POU3F3: variants seen among roughly 807,000 people sequenced by gnomAD.
POU3F3 encodes POU domain, class 3, transcription factor 3.
In POU3F3, 1 loss-of-function variant was observed where a neutral mutation model predicts 8.6. That is an observed-to-expected ratio of 0.12 (90% CI 0.04 to 0.55). The LOEUF (loss-of-function observed/expected upper bound fraction) is 0.55. Ranked by LOEUF, POU3F3 falls within the 20% of genes least tolerant of loss-of-function variation. The probability of loss-of-function intolerance (pLI) is 0.91; values close to 1 mark genes in which losing one functional copy is unlikely to be tolerated. For missense variants in POU3F3, 577 were observed against 690.7 expected (o/e 0.84, Z 1.84); for synonymous variants, 418 against 327.4 (o/e 1.28, Z -2.99).
At chr2:104,860,000 T>A (rs942801452), downstream of POU3F3, among the ~76,000 whole-genome samples, 13 of 152,208 alleles carry the variant, frequency 8.5e-5, no homozygotes, top group Admixed American at 5.2e-4. Context: ...TGGATACTAC[T>A]GGCACGTGAG....
chr2:104,923,161 TG>T, the POU3F3 span, among the ~76,000 whole-genome samples: 1 of 152,190 alleles, frequency 6.6e-6, no homozygotes, highest in Non-Finnish European at 1.5e-5. Flanking sequence ...TCCTTAAAGT[TG>T]AAATGAAAGG....
rs2104338606 is a variant in POU3F3 at position 104,855,043 on chromosome 2, C to T, written c.-468C>T. ...GGACAGGAGGAGGAGCGGGAGCCCGCGCGTCCCGGGAGAGCGCCCCGAGTG... is the reference window on the plus strand; with the variant it reads ...GGACAGGAGGAGGAGCGGGAGCCCGTGCGTCCCGGGAGAGCGCCCCGAGTG... On this transcript the variant is annotated 5_prime_UTR_variant, in exon 1 of 1. Transcript: ENST00000361360. Among the ~76,000 whole-genome samples, 1 of 152,104 alleles carries T rather than the reference C, an allele frequency of 6.6e-6. No homozygotes were observed. The highest frequency in any genetic ancestry group is 2.1e-4 in the South Asian group (1 of 4,832).
chr2:104,901,642 C>G, the POU3F3 span, among the ~76,000 whole-genome samples: 4 of 152,226 alleles, frequency 2.6e-5, no homozygotes, highest in Non-Finnish European at 4.4e-5. Context: ...TCACATAACA[C>G]TCGCAGGTCT....
downstream of POU3F3, among the ~76,000 whole-genome samples, chr2:104,861,998 G>T (rs776534167): frequency 1.3e-5 from 2 of 152,238 alleles, no homozygotes. Context: ...GAGGAGCTGG[G>T]GGTGGGGGCA....
the POU3F3 span, among the ~76,000 whole-genome samples, chr2:104,914,482 G>A: frequency 6.6e-6 from 1 of 152,178 alleles, no homozygotes; most frequent in Non-Finnish European, 1.5e-5. Flanking sequence ...TTTTTTATGA[G>A]GACAGAGTGG....
At chr2:104,900,427 G>A in the POU3F3 span, among the ~76,000 whole-genome samples, 1 of 152,180 alleles carries the variant, frequency 6.6e-6, no homozygotes, top group Non-Finnish European at 1.5e-5. Context: ...AATTTGACAT[G>A]ATGTTTAGAC....
the POU3F3 span, among the ~76,000 whole-genome samples, chr2:104,880,689 CTTTTGTCCTAAAGGTCAGGGTGTG>C: frequency 4.5e-4 from 69 of 152,196 alleles, no homozygotes; most frequent in Admixed American, 9.2e-4. Context: ...CCATTTTCCT[CTTTTGTCCTAAAGGTCAGGGTGTG>C]TTTTGTTGTC....
chr2:104,863,701 C>T, the POU3F3 span, among the ~76,000 whole-genome samples: 1 of 152,138 alleles, frequency 6.6e-6, no homozygotes, highest in African/African-American at 2.4e-5. Context: ...CAGACCAGGG[C>T]CCGAAATTGA....
the POU3F3 span, among the ~76,000 whole-genome samples, chr2:104,905,218 A>G: frequency 6.6e-6 from 1 of 152,198 alleles, no homozygotes; most frequent in Non-Finnish European, 1.5e-5. Context: ...GCATCATGAC[A>G]GACTTTTACT....
rs1192743742 is a variant in POU3F3, at chr2:104,855,642, A to AGGGGGC, written c.141_146dup (p.Gly49_Gly50dup). The AGGGGGC allele has an allele frequency of 2.6e-6, 1 of 389,070 alleles. No homozygotes were observed. The highest frequency in any genetic ancestry group is 2.9e-6 in the Non-Finnish European group (1 of 340,866). 24.1% of individuals were successfully genotyped at this position (389,070 alleles called of 1,614,324 possible). On this transcript the variant is annotated inframe_insertion, in exon 1 of 1. Coordinates refer to ENST00000361360, the MANE Select transcript of POU3F3 (RefSeq NM_006236.3). ...GCGGCGGCGGCGGCGGGGGCGGCGCAGGGGGCGGGGGCGGCGGCATGCAGC... is the reference window on the plus strand; with the variant it reads ...GCGGCGGCGGCGGCGGGGGCGGCGCAGGGGGCGGGGGCGGGGGCGGCGGCATGCAGC...
the POU3F3 span, among the ~76,000 whole-genome samples, chr2:104,901,240 C>T: frequency 6.6e-6 from 1 of 152,262 alleles, no homozygotes; most frequent in South Asian, 2.1e-4. Flanking sequence ...CACTGACAGC[C>T]CTGAGATGGA....
chr2:104,903,851 C>G, the POU3F3 span, among the ~76,000 whole-genome samples: 8 of 152,156 alleles, frequency 5.3e-5, no homozygotes, highest in African/African-American at 1.7e-4. Context: ...GTACATACAT[C>G]AGCTACATTA....
At chr2:104,887,441 T>G in the POU3F3 span, among the ~76,000 whole-genome samples, 1 of 152,162 alleles carries the variant, frequency 6.6e-6, no homozygotes, top group African/African-American at 2.4e-5. Context: ...AGACATTACT[T>G]CAGTTGCGTA....
At chr2:104,912,996 T>A in the POU3F3 span, among the ~76,000 whole-genome samples, 1 of 152,242 alleles carries the variant, frequency 6.6e-6, no homozygotes, top group Admixed American at 6.5e-5. Flanking sequence ...ACTCTCAAGA[T>A]GCGTGTTTTT....
the POU3F3 span, among the ~76,000 whole-genome samples, chr2:104,914,638 G>C: frequency 6.6e-6 from 1 of 152,294 alleles, no homozygotes; most frequent in African/African-American, 2.4e-5. Flanking sequence ...TATATCTGGT[G>C]TGTCTGGCGA....
chr2:104,919,123 G>A, the POU3F3 span, among the ~76,000 whole-genome samples: 7 of 152,002 alleles, frequency 4.6e-5, no homozygotes, highest in African/African-American at 1.7e-4. Flanking sequence ...CGCCCACCTC[G>A]GCCTCCCAAA....
chr2:104,872,605 G>A, the POU3F3 span: 3 of 267,324 alleles, frequency 1.1e-5, no homozygotes, highest in African/African-American at 4.8e-5. This position sits in a 1 kb window ranked among gnomAD's most constrained non-coding sequence, Gnocchi z 4.6. Flanking sequence ...CTCTGCGCCC[G>A]GGTCTCGGCG....
chr2:104,857,091 G>C lies in POU3F3; in HGVS notation c.*78G>C. ...CGTCAGCACCGCCGCCGCCCCTGCC[G>C]CCGCCGCCGCCGCCGCCGCCGCCGC... is the stretch of plus-strand genomic sequence containing the variant. On this transcript the variant is annotated 3_prime_UTR_variant, in exon 1 of 1. Coordinates refer to ENST00000361360, the MANE Select transcript of POU3F3 (RefSeq NM_006236.3). The C allele has an allele frequency of 1.0e-6, 1 of 968,562 alleles. No homozygotes were observed. The highest frequency in any genetic ancestry group is 1.2e-6 in the Non-Finnish European group (1 of 818,060). The allele number at this position is 968,562 out of a possible 1,614,324, so 60.0% of individuals were successfully genotyped here.
In POU3F3 at chr2:104,854,374, C is replaced by T. The variant is rs1325629981; in HGVS notation, c.-1137C>T. Among the ~76,000 whole-genome samples, 1 of 152,128 alleles carries T rather than the reference C, an allele frequency of 6.6e-6. No homozygotes were observed. Among genetic ancestry groups the T allele is most frequent in the Non-Finnish European group, 1.5e-5 (1 of 68,020 alleles). ...GTTGTTGTGTATCAAGGATCGATCC[C>T]CTATATGCACACACACACCTCCACC... is the stretch of plus-strand genomic sequence containing the variant. On this transcript the variant is annotated 5_prime_UTR_variant, in exon 1 of 1. Transcript: ENST00000361360. The surrounding 1 kb of genome is among the most constrained non-coding windows in gnomAD (Gnocchi z 4.5).
Sources: allele counts gnomAD v4.1 joint callset (sites outside exome capture counted in the v4.1 genomes callset), GRCh38; gene constraint gnomAD v4.1.1; non-coding constraint Gnocchi (gnomAD v3.1); transcripts MANE v1.5; gene names NCBI Gene and HGNC (gene_info 2026-07-23, HGNC 2026-07-21).